Variants in ATF6 observed in about 807,000 individuals in gnomAD.
ATF6 encodes the protein cyclic AMP-dependent transcription factor ATF-6 alpha.
Under a neutral mutation model 83.6 loss-of-function variants are expected in ATF6, and 53 were observed. The observed-to-expected ratio is 0.63, with a 90% CI of 0.51 to 0.80. ATF6 has a LOEUF of 0.80. Among genes scored for constraint, ATF6 ranks in the 30% least tolerant of loss-of-function variants. The pLI is 0.00. For synonymous variants in ATF6, 288 were observed against 285.8 expected, an observed-to-expected ratio of 1.01 and a Z score of -0.08; for missense variants, 744 against 797.9, an observed-to-expected ratio of 0.93 and a Z score of 0.81.
intron 13 of ATF6, among the ~76,000 whole-genome samples, chr1:161,861,020 A>C (rs955852): frequency 0.097 from 14,690 of 152,172 alleles, 1,270 homozygotes; most frequent in East Asian, 0.31. Context: ...GATTACATGC[A>C]ATTGAAGTTT....
chr1:161,886,428 G>A (rs147033423), intron 14 of ATF6, among the ~76,000 whole-genome samples: 1 of 152,080 alleles, frequency 6.6e-6, no homozygotes, highest in Non-Finnish European at 1.5e-5. Context: ...CTTAGCAATG[G>A]GATACATTCT....
rs1334012831 is a variant in ATF6, at chr1:161,962,110, T to G, written c.*3456T>G. 1 of 137,270 alleles carries G rather than the reference T, an allele frequency of 7.3e-6. No homozygotes were observed. Among genetic ancestry groups the G allele is most frequent in the African/African-American group, 2.6e-5 (1 of 38,340 alleles). The allele number at this position is 137,270 out of a possible 1,614,324, so 8.5% of individuals were successfully genotyped here. A position where few individuals can be genotyped will look rare whatever the true frequency, so the allele number is the denominator to read the frequency against. On this transcript the variant is annotated 3_prime_UTR_variant, in exon 16 of 16. Coordinates refer to ENST00000367942, the MANE Select transcript of ATF6 (RefSeq NM_007348.4). ...AAAAAATCCCTCACGATTATAAAAC[T>G]CAGAGCATCATCTAATTTTTTTTTT... is the stretch of plus-strand genomic sequence containing the variant.
intron 15 of ATF6, among the ~76,000 whole-genome samples, chr1:161,940,998 G>C (rs191860479): frequency 6.6e-6 from 1 of 152,244 alleles, no homozygotes; most frequent in African/African-American, 2.4e-5. Flanking sequence ...TCTTTTCCTA[G>C]ATGCAAGTGC....
intron 14 of ATF6, among the ~76,000 whole-genome samples, chr1:161,900,137 A>G (rs1687752864): frequency 6.6e-6 from 1 of 152,122 alleles, no homozygotes; most frequent in South Asian, 2.1e-4. Flanking sequence ...ACTTGTTTTT[A>G]TTAGTTTTTA....
intron 14 of ATF6, among the ~76,000 whole-genome samples, chr1:161,881,440 C>T (rs1354945451): frequency 6.6e-6 from 1 of 152,164 alleles, no homozygotes; most frequent in Non-Finnish European, 1.5e-5. Context: ...CTTGATATGG[C>T]AGCTCACAAC....
chr1:161,918,700 C>A (rs1469614875), intron 15 of ATF6, among the ~76,000 whole-genome samples: 2 of 152,118 alleles, frequency 1.3e-5, no homozygotes, highest in African/African-American at 4.8e-5. Flanking sequence ...CATTTTCTGT[C>A]ATTTCTGAGT....
At chr1:161,798,227 A>G (rs1310357808) in intron 6 of ATF6, among the ~76,000 whole-genome samples, 4 of 152,232 alleles carry the variant, frequency 2.6e-5, no homozygotes, top group Non-Finnish European at 5.9e-5. Context: ...AACCTAGGAA[A>G]TATGGTTCTG....
intron 11 of ATF6, among the ~76,000 whole-genome samples, chr1:161,852,938 GA>G (rs1686667353): frequency 6.6e-6 from 1 of 152,124 alleles, no homozygotes. Context: ...TTTTTTGGTG[GA>G]AAAACCTTAG....
At chr1:161,802,551 C>T (rs1338088381) in intron 7 of ATF6, among the ~76,000 whole-genome samples, 3 of 152,126 alleles carry the variant, frequency 2.0e-5, no homozygotes, top group African/African-American at 7.2e-5. Flanking sequence ...AGAACCAACC[C>T]TCTTATTATT....
At chr1:161,784,777 A>G (rs771970754) in intron 4 of ATF6, among the ~76,000 whole-genome samples, 2 of 152,188 alleles carry the variant, frequency 1.3e-5, no homozygotes, top group Non-Finnish European at 2.9e-5. Flanking sequence ...GGTTATATGC[A>G]CATATTAATT....
chr1:161,920,292 C>CTTTT (rs1322896918), intron 15 of ATF6, among the ~76,000 whole-genome samples: 305 of 19,674 alleles, frequency 0.016, 5 homozygotes, highest in African/African-American at 0.052. Flanking sequence ...CTCTCTCTCT[C>CTTTT]TCTTTTTTTT....
chr1:161,859,968 T>C (rs547223755), intron 12 of ATF6, among the ~76,000 whole-genome samples: 1 of 152,156 alleles, frequency 6.6e-6, no homozygotes, highest in Admixed American at 6.6e-5. Flanking sequence ...TTTTGGGCTC[T>C]TTCTTTAAAC....
intron 15 of ATF6, among the ~76,000 whole-genome samples, chr1:161,927,504 T>C (rs1449010442): frequency 6.6e-6 from 1 of 152,108 alleles, no homozygotes; most frequent in Non-Finnish European, 1.5e-5. Context: ...CATTTTTCTA[T>C]TTGAAATCAG....
intron 4 of ATF6, among the ~76,000 whole-genome samples, chr1:161,785,026 G>C (rs1019450480): frequency 9.9e-5 from 15 of 152,202 alleles, no homozygotes; most frequent in African/African-American, 3.4e-4. Context: ...GGCTTTCCAT[G>C]ATCTGGCCCC....
intron 7 of ATF6, among the ~76,000 whole-genome samples, chr1:161,806,157 A>G (rs760486682): frequency 6.6e-6 from 1 of 152,216 alleles, no homozygotes. Context: ...ATTTCAGTGT[A>G]GAAGTTCTCT....
chr1:161,886,168 A>G (rs1036422890), intron 14 of ATF6, among the ~76,000 whole-genome samples: 2 of 152,218 alleles, frequency 1.3e-5, no homozygotes, highest in African/African-American at 4.8e-5. Flanking sequence ...ATGTAAGCAC[A>G]CAGGATGAGT....
intron 14 of ATF6, among the ~76,000 whole-genome samples, chr1:161,885,768 G>A (rs571332866): frequency 2.0e-5 from 3 of 151,968 alleles, no homozygotes; most frequent in South Asian, 2.1e-4. Context: ...TACCATAGAC[G>A]GTATAAAGAC....
In ATF6 at chr1:161,846,552, G is replaced by A; in HGVS notation, c.1291G>A (p.Asp431Asn). Residue 431 changes from aspartate to asparagine, a missense_variant, in exon 10 of 16, where the codon GAT (aspartate) becomes AAT (asparagine). Physicochemically the swap from Asp to Asn is conservative, Grantham distance 23. Coordinates refer to ENST00000367942, the MANE Select transcript of ATF6 (RefSeq NM_007348.4). ...TGCTAAAGAGGCACAGGACACATCA[G>A]ATGGTATTATCCAGAAAAACAGCTA... is the stretch of plus-strand genomic sequence containing the variant. ...FSAKEAQDTS[D>N]GIIQKNSYRY... 6.2e-7 allele frequency: 1 copy of A among 1,608,846 alleles called. No individual in the cohort carries two copies. The highest frequency in any genetic ancestry group is 8.5e-7 in the Non-Finnish European group (1 of 1,177,054).
chr1:161,943,075 TG>T (rs1171344404), intron 15 of ATF6, among the ~76,000 whole-genome samples: 2 of 152,160 alleles, frequency 1.3e-5, no homozygotes, highest in Non-Finnish European at 2.9e-5. Context: ...ATGCTGGTCA[TG>T]ATTTCCTGAC....
Sources: allele counts gnomAD v4.1 joint callset (sites outside exome capture counted in the v4.1 genomes callset), GRCh38; gene constraint gnomAD v4.1.1; transcripts MANE v1.5; gene names NCBI Gene and HGNC (gene_info 2026-07-23, HGNC 2026-07-21).